ZFP1: variants seen among roughly 807,000 people sequenced by gnomAD.
The protein encoded by ZFP1 is ZFP1 zinc finger protein.
Under a neutral mutation model 38.5 loss-of-function variants are expected in ZFP1, and 32 were observed. That is an observed-to-expected ratio of 0.83 (90% confidence interval 0.63 to 1.12). The LOEUF is 1.12. Among genes scored for constraint, ZFP1 ranks in the 50% most tolerant of loss-of-function variants. The pLI, the probability that ZFP1 is intolerant of heterozygous loss-of-function variation, is 0.00. For missense variants in ZFP1, 616 were observed against 480.8 expected, an observed-to-expected ratio of 1.28 and a Z score of -2.63; for synonymous variants, 245 against 168.8, an observed-to-expected ratio of 1.45 and a Z score of -3.50.
At chr16:75,129,856 A>C in the ZFP1 span, among the ~76,000 whole-genome samples, 3 of 152,212 alleles carry the variant, frequency 2.0e-5, no homozygotes, top group Admixed American at 6.5e-5. Context: ...GGAGAGACCA[A>C]GGCAAGTTTT....
rs2038417042 is a variant in ZFP1 at position 75,171,292 on chromosome 16, A to G, written c.*958A>G. The G allele has an allele frequency of 6.6e-6, 1 of 152,222 alleles. No individual in the cohort carries two copies. The highest frequency in any genetic ancestry group is 2.4e-5 in the African/African-American group (1 of 41,466). 9.4% of individuals were successfully genotyped at this position (152,222 alleles called of 1,614,324 possible). A position where few individuals can be genotyped will look rare whatever the true frequency, so the allele number is the denominator to read the frequency against. ...ATGGTAGGATGCTTCTGTAGTTCAC[A>G]AATGTTACATTTCAGAGACTTTAGA... On this transcript the variant is annotated 3_prime_UTR_variant, in exon 4 of 4. Coordinates refer to ENST00000570010, the MANE Select transcript of ZFP1 (RefSeq NM_153688.4).
intron 2 of ZFP1, among the ~76,000 whole-genome samples, chr16:75,162,917 CT>C (rs34465635): frequency 1.1e-4 from 16 of 147,640 alleles, no homozygotes; most frequent in African/African-American, 3.7e-4. Context: ...TGTAATTTTT[CT>C]TTTTTTTTTT....
At chr16:75,163,204 GC>G (rs2037876682) in intron 2 of ZFP1, among the ~76,000 whole-genome samples, 1 of 151,778 alleles carries the variant, frequency 6.6e-6, no homozygotes, top group African/African-American at 2.4e-5. Flanking sequence ...ATTGCGCCCG[GC>G]CAATGTTTTT....
chr16:75,153,519 A>G (rs1285948807), intron 2 of ZFP1, among the ~76,000 whole-genome samples: 2 of 152,186 alleles, frequency 1.3e-5, no homozygotes, highest in Non-Finnish European at 2.9e-5. Context: ...TGTTCTGTTT[A>G]TATGCGTTCT....
rs1210917095 is a variant in ZFP1 at position 75,169,801 on chromosome 16, C to T, written c.691C>T (p.Gln231Ter). ...CCATAAGGCCAACCTCATCAAACAT[C>T]AGAGAATTCACACTGGGGAGAAACC... ...FSHKANLIKH[Q>*]RIHTGEKPFE... Residue 231 changes from glutamine (Q) to a stop codon, truncating the protein, a stop_gained, in exon 4 of 4, where the codon CAG (glutamine) becomes TAG (stop). Transcript: ENST00000570010. LOFTEE classifies it high-confidence loss of function. 2 of 1,614,084 alleles carry T rather than the reference C, an allele frequency of 1.2e-6. No homozygotes were observed. Among genetic ancestry groups the T allele is most frequent in the Non-Finnish European group, 8.5e-7 (1 of 1,179,990 alleles).
At position 75,171,130 on chromosome 16, in the gene ZFP1, G is replaced by T. The variant is rs927345396; in HGVS notation, c.*796G>T. The T allele has an allele frequency of 6.6e-6, 1 of 152,120 alleles. No individual in the cohort carries two copies. Among genetic ancestry groups the T allele is most frequent in the African/African-American group, 2.4e-5 (1 of 41,434 alleles). The allele number at this position is 152,120 out of a possible 1,614,324, so 9.4% of individuals were successfully genotyped here. On this transcript the variant is annotated 3_prime_UTR_variant, in exon 4 of 4. Coordinates refer to ENST00000570010, the MANE Select transcript of ZFP1 (RefSeq NM_153688.4). ...CCGTGTAAAGACAATATCCCCATTC[G>T]TCATGCTCTTATTTTCCCGTGGGAT...
the ZFP1 span, among the ~76,000 whole-genome samples, chr16:75,134,797 C>T: frequency 4.0e-5 from 6 of 151,636 alleles, no homozygotes; most frequent in African/African-American, 1.5e-4. Context: ...GTGGTTCATG[C>T]CTGTAATCCC....
At chr16:75,139,333 C>A in the ZFP1 span, among the ~76,000 whole-genome samples, 1 of 135,612 alleles carries the variant, frequency 7.4e-6, no homozygotes, top group Admixed American at 8.1e-5. Context: ...TGCGCCACTG[C>A]ACTCCAGCCT....
chr16:75,167,101 C>A (rs8054717), intron 3 of ZFP1, among the ~76,000 whole-genome samples: 1 of 152,146 alleles, frequency 6.6e-6, no homozygotes, highest in African/African-American at 2.4e-5. Context: ...GAGCTATGTC[C>A]CATTAGTAAA....
the ZFP1 span, among the ~76,000 whole-genome samples, chr16:75,125,033 G>T: frequency 2.6e-5 from 4 of 151,898 alleles, no homozygotes; most frequent in African/African-American, 9.7e-5. Context: ...AGGCCGAGGT[G>T]GGTGGATCAA....
intron 1 of ZFP1, 108 bp from the exon 2 acceptor site, chr16:75,152,801 G>T: frequency 3.1e-6 from 3 of 955,726 alleles, no homozygotes; most frequent in South Asian, 1.7e-5. Flanking sequence ...TTCCCAGGAG[G>T]TGGTATTTTC....
the ZFP1 span, among the ~76,000 whole-genome samples, chr16:75,142,462 A>G: frequency 2.0e-5 from 3 of 152,158 alleles, no homozygotes; most frequent in Non-Finnish European, 4.4e-5. Context: ...TAGCTGCTGA[A>G]GTGACCTGCC....
chr16:75,169,045 T>G (rs755763851), intron 3 of ZFP1, among the ~76,000 whole-genome samples: 2 of 152,180 alleles, frequency 1.3e-5, no homozygotes, highest in Non-Finnish European at 2.9e-5. Flanking sequence ...GATTTTGGTT[T>G]TGTTTTGTTT....
Position 75,170,327 on chromosome 16 carries a change from A to C in ZFP1, c.1217A>C (p.Lys406Thr). The C allele has an allele frequency of 6.4e-7, 1 of 1,569,930 alleles. No individual in the cohort carries two copies. The highest frequency in any genetic ancestry group is 1.2e-5 in the South Asian group (1 of 83,824). Residue 406 changes from lysine to threonine, a missense_variant, in exon 4 of 4, where the codon AAA (lysine) becomes ACA (threonine). Physicochemically the swap from Lys to Thr is moderately conservative, Grantham distance 78. Transcript: ENST00000570010. ...SVHQRVHIGEKP is the reference protein window; with the variant it reads ...SVHQRVHIGETP Reference sequence around the variant, plus strand: ...CATCAGAGAGTTCACATCGGGGAGAAACCCTGAAACTCCAGCCAGGTCTTA... The same window carrying C: ...CATCAGAGAGTTCACATCGGGGAGACACCCTGAAACTCCAGCCAGGTCTTA...
chr16:75,163,403 C>T (rs1419570877), intron 2 of ZFP1, among the ~76,000 whole-genome samples: 1 of 151,620 alleles, frequency 6.6e-6, no homozygotes, highest in Admixed American at 6.6e-5. Flanking sequence ...CTTTTGCCTC[C>T]CGGGTTCAAG....
the ZFP1 span, among the ~76,000 whole-genome samples, chr16:75,135,918 C>T: frequency 6.6e-6 from 1 of 152,168 alleles, no homozygotes; most frequent in African/African-American, 2.4e-5. Flanking sequence ...GGGTTTCAGG[C>T]GATTCTCCTG....
rs978954088 is a variant in ZFP1, at chr16:75,161,994, A to G, written c.16-4776A>G. ...GAGAAAGGGTTTCCCCATGTTGGCC[A>G]GGCTGGTCTCGAACTCCTGACCTCA... On this transcript the variant is annotated intron_variant, in intron 2 of 3. Coordinates refer to ENST00000570010, the MANE Select transcript of ZFP1 (RefSeq NM_153688.4). Among the ~76,000 whole-genome samples the G allele has an allele frequency of 6.0e-5, 9 of 150,788 alleles. No individual in the cohort carries two copies. The South Asian group carries it at 1.5e-3, about 25-fold the overall frequency.
intron 1 of ZFP1, among the ~76,000 whole-genome samples, chr16:75,151,866 C>T (rs9939124): frequency 0.25 from 37,676 of 152,048 alleles, 5,002 homozygotes; most frequent in Non-Finnish European, 0.3. Context: ...TCTTCTAGTG[C>T]AGGTCTACTG....
chr16:75,140,786 C>A, the ZFP1 span, among the ~76,000 whole-genome samples: 2 of 152,150 alleles, frequency 1.3e-5, no homozygotes, highest in Admixed American at 6.5e-5. Flanking sequence ...GGTGAAACCC[C>A]GTCTCTACTA....
Sources: gnomAD v4.1 joint callset for allele counts (sites outside exome capture counted in the v4.1 genomes callset) on GRCh38, gnomAD v4.1.1 for gene constraint, MANE v1.5 for transcripts, NCBI Gene and HGNC (gene_info 2026-07-23, HGNC 2026-07-21) for gene names.